The following TMEM178B variants were observed in gnomAD, a reference collection of about 807,000 sequenced individuals.
The protein encoded by TMEM178B is transmembrane protein 178B.
A neutral mutation model predicts 31.0 loss-of-function variants in TMEM178B; 5 were observed. The observed-to-expected ratio is 0.16, with a 90% CI of 0.08 to 0.34. TMEM178B has a LOEUF of 0.34. Ranked by LOEUF, TMEM178B falls within the 10% of genes least tolerant of loss-of-function variation. The pLI is 1.00. For missense variants in TMEM178B, 275 were observed against 400.3 expected (o/e 0.69, Z 2.67); for synonymous variants, 164 against 164.0 (o/e 1.00, Z 0.00).
At position 141,212,533 on chromosome 7, in the gene TMEM178B, C is replaced by T. The variant is rs534254805; in HGVS notation, c.383-58C>T. On this transcript the variant is annotated intron_variant, in intron 1 of 3. Transcript: ENST00000565468. ...CAGGATGGAAAAATTAATCCCAGAA[C>T]TAGTCCAGATGTGGTTGCTGCTTCC... The T allele has an allele frequency of 1.3e-5, 18 of 1,393,276 alleles. 1 individual carries two copies. In the South Asian group the frequency reaches 2.2e-4, roughly 17 times the overall value. 86.3% of individuals were successfully genotyped at this position (1,393,276 alleles called of 1,614,324 possible). A position where few individuals can be genotyped will look rare whatever the true frequency, so the allele number is the denominator to read the frequency against.
At chr7:141,331,507 A>C (rs758680779) in intron 2 of TMEM178B, among the ~76,000 whole-genome samples, 1 of 152,220 alleles carries the variant, frequency 6.6e-6, no homozygotes, top group Non-Finnish European at 1.5e-5. Flanking sequence ...CCTTGGAATT[A>C]GCAGCATGAA....
intron 1 of TMEM178B, among the ~76,000 whole-genome samples, chr7:141,108,922 G>A (rs1169847364): frequency 1.3e-5 from 2 of 152,154 alleles, no homozygotes; most frequent in Non-Finnish European, 2.9e-5. Flanking sequence ...GGCTAGGGAG[G>A]CCTCACAATC....
chr7:141,364,609 A>C (rs986972943), intron 2 of TMEM178B, among the ~76,000 whole-genome samples: 1 of 149,800 alleles, frequency 6.7e-6, no homozygotes, highest in East Asian at 2.0e-4. Context: ...GCAGTGAGCC[A>C]AAATCATGCC....
At chr7:141,418,905 T>TTTTA (rs35079793) in intron 2 of TMEM178B, among the ~76,000 whole-genome samples, 102,204 of 150,760 alleles carry the variant, frequency 0.68, 35,276 homozygotes, top group African/African-American at 0.8. Flanking sequence ...TCCATGCTAT[T>TTTTA]TTTATTTATT....
intron 1 of TMEM178B, among the ~76,000 whole-genome samples, chr7:141,153,043 A>G (rs770963306): frequency 6.6e-6 from 1 of 152,192 alleles, no homozygotes; most frequent in Non-Finnish European, 1.5e-5. Flanking sequence ...CAAAAATTAA[A>G]CCAAGGCCTG....
At chr7:141,420,891 A>C (rs1801195182) in intron 2 of TMEM178B, among the ~76,000 whole-genome samples, 1 of 152,238 alleles carries the variant, frequency 6.6e-6, no homozygotes, top group African/African-American at 2.4e-5. Flanking sequence ...TGGCATTGAG[A>C]ATCACAACTA....
At chr7:141,262,879 T>C (rs1798037131) in intron 2 of TMEM178B, among the ~76,000 whole-genome samples, 4 of 152,188 alleles carry the variant, frequency 2.6e-5, no homozygotes, top group African/African-American at 9.7e-5. Flanking sequence ...AGGAAGATAT[T>C]GTGGCTAGTT....
intron 2 of TMEM178B, among the ~76,000 whole-genome samples, chr7:141,224,743 G>A (rs186996323): frequency 3.5e-4 from 53 of 152,334 alleles, no homozygotes; most frequent in African/African-American, 1.1e-3. Context: ...GAAGGGCAGG[G>A]GAGGAATCAG....
At chr7:141,232,682 A>G (rs1342535763) in intron 2 of TMEM178B, among the ~76,000 whole-genome samples, 1 of 152,228 alleles carries the variant, frequency 6.6e-6, no homozygotes, top group East Asian at 1.9e-4. Flanking sequence ...ATGTAACCTT[A>G]GAGGCTCAGC....
the TMEM178B span, among the ~76,000 whole-genome samples, chr7:141,495,221 T>C: frequency 6.6e-6 from 1 of 152,126 alleles, no homozygotes; most frequent in Admixed American, 6.5e-5. Context: ...AATGGGTCAT[T>C]GCTGAGGGAA....
chr7:141,108,100 A>C (rs1026073396), intron 1 of TMEM178B, among the ~76,000 whole-genome samples: 1 of 152,172 alleles, frequency 6.6e-6, no homozygotes, highest in Admixed American at 6.6e-5. Context: ...TGGAGGAGTA[A>C]AAGCCTGATT....
chr7:141,460,421 T>C (rs1469920415), intron 3 of TMEM178B, among the ~76,000 whole-genome samples: 1 of 152,204 alleles, frequency 6.6e-6, no homozygotes, highest in African/African-American at 2.4e-5. Context: ...TTTAATTATC[T>C]CTTTAAGAGC....
intron 2 of TMEM178B, among the ~76,000 whole-genome samples, chr7:141,222,276 C>T (rs1265630087): frequency 6.6e-6 from 1 of 152,118 alleles, no homozygotes; most frequent in African/African-American, 2.4e-5. Flanking sequence ...AGGGAATCTT[C>T]CTAATATCTA....
At chr7:141,345,619 G>A (rs17162148) in intron 2 of TMEM178B, among the ~76,000 whole-genome samples, 3,409 of 152,210 alleles carry the variant, frequency 0.022, 122 homozygotes, top group African/African-American at 0.077. Flanking sequence ...CCCTGCAATG[G>A]GCTTGGTACA....
At chr7:141,214,850 G>A (rs980009811) in intron 2 of TMEM178B, among the ~76,000 whole-genome samples, 5 of 152,018 alleles carry the variant, frequency 3.3e-5, no homozygotes, top group East Asian at 1.9e-4. Context: ...CCATCTCAAC[G>A]ATTGATATGT....
rs1241743542 is a variant in TMEM178B at position 141,318,026 on chromosome 7, G to A, written c.496+105322G>A. ...GCTTAAAAAAAGAAGATGGGTGTTT[G>A]GGGAGGGAATTATAGATTTATTTTA... On this transcript the variant is annotated intron_variant, in intron 2 of 3. Transcript: ENST00000565468. This position sits in a 1 kb window ranked among gnomAD's most constrained non-coding sequence, Gnocchi z 4.1. Among the ~76,000 whole-genome samples, 1 of 152,128 alleles carries A rather than the reference G, an allele frequency of 6.6e-6. No individual in the cohort carries two copies. The highest frequency in any genetic ancestry group is 2.4e-5 in the African/African-American group (1 of 41,430).
rs1238444735 is a variant in TMEM178B at position 141,426,446 on chromosome 7, G to A, written c.497-11162G>A. On this transcript the variant is annotated intron_variant, in intron 2 of 3. Coordinates refer to ENST00000565468, the MANE Select transcript of TMEM178B (RefSeq NM_001195278.2). Reference sequence around the variant, plus strand: ...CAGGAACCCCAAGGACTGGATGTGAGTGTCTACTAAAGTACCATGGAAGTT... The same window carrying A: ...CAGGAACCCCAAGGACTGGATGTGAATGTCTACTAAAGTACCATGGAAGTT... Among the ~76,000 whole-genome samples, 3 of 152,216 alleles carry A rather than the reference G, an allele frequency of 2.0e-5. 1 individual carries two copies. The South Asian group carries it at 6.2e-4, about 32-fold the overall frequency.
chr7:141,437,553 C>T lies in TMEM178B; in HGVS notation c.497-55C>T, dbSNP rs1265408924. ...ACCCACCCCAGGGCTGGGGTATACC[C>T]TGGCCCTCAGTCCCAGGCTCTGCTG... On this transcript the variant is annotated intron_variant, in intron 2 of 3. Transcript: ENST00000565468. 12 of 1,529,664 alleles carry T rather than the reference C, an allele frequency of 7.8e-6. 1 individual carries two copies. Among genetic ancestry groups the T allele is most frequent in the Non-Finnish European group, 7.0e-6 (8 of 1,144,030 alleles). The allele number at this position is 1,529,664 out of a possible 1,614,324, so 94.8% of individuals were successfully genotyped here.
At chr7:141,272,417 G>A (rs1299027287) in intron 2 of TMEM178B, among the ~76,000 whole-genome samples, 5 of 152,128 alleles carry the variant, frequency 3.3e-5, no homozygotes, top group Admixed American at 1.3e-4. Flanking sequence ...TCTAAAACAA[G>A]GAATAATATA....
Sources: allele counts gnomAD v4.1 joint callset (sites outside exome capture counted in the v4.1 genomes callset), GRCh38; gene constraint gnomAD v4.1.1; non-coding constraint Gnocchi (gnomAD v3.1); transcripts MANE v1.5; gene names NCBI Gene and HGNC (gene_info 2026-07-23, HGNC 2026-07-21).